Variants in NF1 observed in about 807,000 individuals in gnomAD.
NF1 encodes neurofibromin 1.
NF1 carries 122 observed loss-of-function variants against 325.7 expected under a neutral mutation model. The observed-to-expected ratio is 0.37, with a 90% CI of 0.32 to 0.44. NF1 has a LOEUF of 0.44. Among genes scored for constraint, NF1 ranks in the 20% least tolerant of loss-of-function variants. The probability of loss-of-function intolerance (pLI) is 1.00; values close to 1 mark genes in which losing one functional copy is unlikely to be tolerated. For missense variants in NF1, 2,140 were observed against 3,415.4 expected (o/e 0.63, Z 9.31); for synonymous variants, 1,091 against 1,186.0 (o/e 0.92, Z 1.65).
rs2067969647 is a variant in NF1, at chr17:31,274,732, TAA to T, written c.4835+9394_4835+9395del. 8.1e-3 allele frequency among the ~76,000 whole-genome samples: 3 copies of T among 370 alleles called. No homozygotes were observed. The Non-Finnish European group carries it at 0.19, about 23-fold the overall frequency. 0.2% of individuals were successfully genotyped at this position (370 alleles called of 152,430 possible). Reference sequence around the variant, plus strand: ...ATTTCTTTGGGGGGTATATAGTTGGTAATAGTAATAGTAATAGTAATAGTAAT... The same window carrying T: ...ATTTCTTTGGGGGGTATATAGTTGGTTAGTAATAGTAATAGTAATAGTAAT... On this transcript the variant is annotated intron_variant, in intron 36 of 57. Coordinates refer to ENST00000358273, the MANE Select transcript of NF1 (RefSeq NM_001042492.3).
chr17:31,326,117 T>C lies in NF1; in HGVS notation c.5133T>C (p.Cys1711=), dbSNP rs2151538622. 1 of 1,613,230 alleles carries C rather than the reference T, an allele frequency of 6.2e-7. No homozygotes were observed. The highest frequency in any genetic ancestry group is 1.7e-5 in the Admixed American group (1 of 59,908). The change falls in exon 37 of 58, where the codon TGT becomes TGC. Residue 1711 remains cysteine (C), a synonymous_variant. Transcript: ENST00000358273. ...GCAAAAGGCTTGTTTTCATAGACTGTCCTGGGAAACTGGCTGAGCACATAG... is the reference window on the plus strand; with the variant it reads ...GCAAAAGGCTTGTTTTCATAGACTGCCCTGGGAAACTGGCTGAGCACATAG... ...KGSKRLVFID[C]PGKLAEHIEH...
At chr17:31,129,541 T>G (rs748300469) in intron 1 of NF1, among the ~76,000 whole-genome samples, 2 of 151,540 alleles carry the variant, frequency 1.3e-5, no homozygotes, top group African/African-American at 2.4e-5. Context: ...GCGATTCTCC[T>G]GCCTCAGCCT....
chr17:31,323,588 T>C (rs1437377728), intron 36 of NF1, among the ~76,000 whole-genome samples: 1 of 152,232 alleles, frequency 6.6e-6, no homozygotes, highest in Admixed American at 6.5e-5. Flanking sequence ...TGGGCAGTTA[T>C]GGTCTCTCCA....
intron 27 of NF1, 61 bp from the exon 28 acceptor site, chr17:31,235,550 C>T (rs2067184071): frequency 6.3e-7 from 1 of 1,598,610 alleles, no homozygotes; most frequent in Admixed American, 1.7e-5. Context: ...TACTCTTTAG[C>T]TTCCTACCTA....
intron 14 of NF1, among the ~76,000 whole-genome samples, chr17:31,220,413 A>AT (rs979135695): frequency 5.3e-5 from 8 of 152,244 alleles, no homozygotes; most frequent in African/African-American, 1.9e-4. Flanking sequence ...CAAACATTTC[A>AT]TTTTTTTATG....
intron 5 of NF1, among the ~76,000 whole-genome samples, chr17:31,176,002 T>C (rs1221961383): frequency 6.6e-6 from 1 of 152,236 alleles, no homozygotes; most frequent in Non-Finnish European, 1.5e-5. Context: ...TGTGTCTTTA[T>C]AGCAGAATGA....
chr17:31,282,059 G>T, intron 36 of NF1, among the ~76,000 whole-genome samples: 1 of 149,002 alleles, frequency 6.7e-6, no homozygotes, highest in East Asian at 1.9e-4. Flanking sequence ...GACCCTGTCT[G>T]GAAAAAAAAA....
At chr17:31,363,884 G>A (rs949405240) in intron 57 of NF1, among the ~76,000 whole-genome samples, 1 of 151,926 alleles carries the variant, frequency 6.6e-6, no homozygotes, top group Admixed American at 6.6e-5. Flanking sequence ...GGAATTACAA[G>A]TGCACACCAC....
At chr17:31,274,879 T>A (rs548261882) in intron 36 of NF1, among the ~76,000 whole-genome samples, 1 of 152,320 alleles carries the variant, frequency 6.6e-6, no homozygotes, top group East Asian at 1.9e-4. Flanking sequence ...TCAACTTGTT[T>A]AAAATTCAGA....
At chr17:31,118,716 G>A (rs1009857247) in intron 1 of NF1, among the ~76,000 whole-genome samples, 2 of 152,112 alleles carry the variant, frequency 1.3e-5, no homozygotes, top group African/African-American at 4.8e-5. Flanking sequence ...TTGGTTGCAA[G>A]TCTTTGCTAT....
chr17:31,275,715 C>A (rs2067994429), intron 36 of NF1, among the ~76,000 whole-genome samples: 1 of 152,170 alleles, frequency 6.6e-6, no homozygotes, highest in Admixed American at 6.5e-5. Flanking sequence ...ATGTCAGCAC[C>A]TTTTATACGA....
rs2143773718 is a variant in NF1 at position 31,181,407 on chromosome 17, T to C, written c.587-15T>C. On this transcript the variant is annotated splice_polypyrimidine_tract_variant and intron_variant, in intron 5 of 57. Coordinates refer to ENST00000358273, the MANE Select transcript of NF1 (RefSeq NM_001042492.3). The stretch of plus-strand genomic sequence containing the variant: ...TTATTCTAGAGTTAATTTTTAAAAA[T>C]TGTGTTTTTTCCAGAAACAGCATTT... 2 of 1,611,196 alleles carry C rather than the reference T, an allele frequency of 1.2e-6. No individual in the cohort carries two copies. Among genetic ancestry groups the C allele is most frequent in the Non-Finnish European group, 1.7e-6 (2 of 1,177,938 alleles).
At chr17:31,154,383 A>ACCAGCT (rs1917174377) in intron 1 of NF1, among the ~76,000 whole-genome samples, 2 of 152,082 alleles carry the variant, frequency 1.3e-5, no homozygotes, top group Admixed American at 1.3e-4. Context: ...TGGGATACTT[A>ACCAGCT]GGGAGATTCA....
rs1167129178 is a variant in NF1 at position 31,265,248 on chromosome 17, G to C, written c.4744G>C (p.Glu1582Gln). 1 of 1,612,840 alleles carries C rather than the reference G, an allele frequency of 6.2e-7. No individual in the cohort carries two copies. The highest frequency in any genetic ancestry group is 1.1e-5 in the South Asian group (1 of 91,054). Residue 1582 changes from glutamate (E) to glutamine (Q), a missense_variant, in exon 36 of 58, where the codon GAA becomes CAA. By Grantham distance (29) the Glu-to-Gln change is conservative (BLOSUM62 2). Transcript: ENST00000358273. ...TTTTAGGCATCAGGTACATGAAAAAGAAGAATTCAAGGCTTTGAAAACGTT... is the reference window on the plus strand; with the variant it reads ...TTTTAGGCATCAGGTACATGAAAAACAAGAATTCAAGGCTTTGAAAACGTT... Reference protein sequence around the residue: ...FMTRHQVHEKEEFKALKTLSI... With the variant: ...FMTRHQVHEKQEFKALKTLSI...
At chr17:31,148,617 T>C (rs1189031702) in intron 1 of NF1, among the ~76,000 whole-genome samples, 8 of 152,190 alleles carry the variant, frequency 5.3e-5, no homozygotes, top group Non-Finnish European at 1.0e-4. Flanking sequence ...CTTGACTTCA[T>C]ATAGATACTT....
chr17:31,231,734 T>C (rs2151433217), intron 24 of NF1, among the ~76,000 whole-genome samples: 1 of 152,278 alleles, frequency 6.6e-6, no homozygotes, highest in African/African-American at 2.4e-5. Flanking sequence ...CCTCCTTTTT[T>C]TTCCCCCAAA....
At chr17:31,314,051 A>T (rs2151520841) in intron 36 of NF1, 1 of 398,178 alleles carries the variant, frequency 2.5e-6, no homozygotes, top group South Asian at 1.3e-4. Flanking sequence ...TTGGCTAAGA[A>T]AGGAAAATGG....
intron 36 of NF1, chr17:31,321,518 C>T (rs1273978494): frequency 2.6e-5 from 4 of 152,112 alleles, no homozygotes; most frequent in Admixed American, 2.0e-4. Context: ...TGGTCAAAAT[C>T]TGATTATAAC....
chr17:31,168,129 A>G (rs1050435724), intron 4 of NF1, among the ~76,000 whole-genome samples: 8 of 152,216 alleles, frequency 5.3e-5, no homozygotes, highest in African/African-American at 1.9e-4. Context: ...AATTGGAAAT[A>G]TGAATTTTTA....
Sources: gnomAD v4.1 joint callset for allele counts (sites outside exome capture counted in the v4.1 genomes callset) on GRCh38, gnomAD v4.1.1 for gene constraint, MANE v1.5 for transcripts, NCBI Gene and HGNC (gene_info 2026-07-23, HGNC 2026-07-21) for gene names.